The following RELN variants were observed in gnomAD, a reference collection of about 807,000 sequenced individuals.
RELN encodes reelin.
Under a neutral mutation model 427.6 loss-of-function variants are expected in RELN, and 108 were observed. That is an observed-to-expected ratio of 0.25 (90% confidence interval 0.22 to 0.30). The LOEUF is 0.30. Among genes scored for constraint, RELN ranks in the 10% least tolerant of loss-of-function variants. The pLI, the probability that RELN is intolerant of heterozygous loss-of-function variation, is 1.00. For synonymous variants in RELN, 1,524 were observed against 1,513.4 expected (o/e 1.01, Z -0.16); for missense variants, 3,715 against 4,302.8 (o/e 0.86, Z 3.82).
chr7:103,871,064 T>C (rs1441403346), intron 2 of RELN, among the ~76,000 whole-genome samples: 5 of 152,090 alleles, frequency 3.3e-5, no homozygotes, highest in Non-Finnish European at 7.4e-5. Flanking sequence ...CTGCCTGTTG[T>C]CCAGTAAGTA....
At chr7:103,641,668 TAAAG>T (rs1234577572) in intron 16 of RELN, among the ~76,000 whole-genome samples, 1 of 152,156 alleles carries the variant, frequency 6.6e-6, no homozygotes, top group African/African-American at 2.4e-5. Context: ...AGGAAATAAT[TAAAG>T]AAACATATTA....
intron 2 of RELN, among the ~76,000 whole-genome samples, chr7:103,884,774 C>T (rs1794685725): frequency 6.6e-6 from 1 of 152,148 alleles, no homozygotes; most frequent in African/African-American, 2.4e-5. Flanking sequence ...ATTAAAAAGT[C>T]AGGAAACAAC....
intron 46 of RELN, among the ~76,000 whole-genome samples, chr7:103,530,914 A>G (rs1388830469): frequency 1.3e-5 from 2 of 152,144 alleles, no homozygotes; most frequent in African/African-American, 2.4e-5. Flanking sequence ...TCTTGGGTAT[A>G]TGTCTAATTT....
intron 6 of RELN, among the ~76,000 whole-genome samples, chr7:103,732,281 C>T (rs747439132): frequency 7.2e-5 from 11 of 152,030 alleles, no homozygotes; most frequent in Non-Finnish European, 1.5e-4. Context: ...ATCAGATTGC[C>T]CATGGGCTAG....
intron 47 of RELN, among the ~76,000 whole-genome samples, chr7:103,522,853 C>CACACACACACACA (rs1189048440): frequency 9.0e-5 from 2 of 22,144 alleles, no homozygotes; most frequent in South Asian, 1.0e-3. Flanking sequence ...ACACACACAC[C>CACACACACACACA]CCCACACCTT....
At chr7:103,843,658 C>A (rs1584289270) in intron 2 of RELN, among the ~76,000 whole-genome samples, 2 of 152,052 alleles carry the variant, frequency 1.3e-5, no homozygotes, top group African/African-American at 4.8e-5. Context: ...TATTATATAC[C>A]CTTTGTCCTC....
At chr7:103,949,668 G>A (rs937993163) in intron 1 of RELN, among the ~76,000 whole-genome samples, 1 of 152,036 alleles carries the variant, frequency 6.6e-6, no homozygotes, top group Admixed American at 6.6e-5. Context: ...ACAGCAGCAG[G>A]AACTAAGACG....
intron 4 of RELN, among the ~76,000 whole-genome samples, chr7:103,754,754 C>G (rs936352541): frequency 1.3e-5 from 2 of 152,026 alleles, no homozygotes; most frequent in Non-Finnish European, 1.5e-5. Context: ...CCAGCCTGAG[C>G]AAGAGAGTCA....
intron 1 of RELN, among the ~76,000 whole-genome samples, chr7:103,927,721 A>G (rs11765701): frequency 0.24 from 36,502 of 152,122 alleles, 5,638 homozygotes; most frequent in Non-Finnish European, 0.34. Context: ...AAATAACAGA[A>G]TATCTTTGTG....
chr7:103,893,153 C>T (rs966301526), intron 2 of RELN, among the ~76,000 whole-genome samples: 1 of 152,112 alleles, frequency 6.6e-6, no homozygotes, highest in Non-Finnish European at 1.5e-5. Flanking sequence ...CAGGTGACTC[C>T]ACATGAAGAT....
Position 103,876,973 on chromosome 7 carries a change from A to G in RELN, c.337+40102T>C, listed in dbSNP as rs184568617. Among the ~76,000 whole-genome samples the G allele has an allele frequency of 6.2e-4, 95 of 152,100 alleles. 2 individuals carry two copies. The highest frequency in any genetic ancestry group is 5.2e-3 in the Admixed American group (79 of 15,264). On this transcript the variant is annotated intron_variant, in intron 2 of 64. Coordinates refer to ENST00000428762, the MANE Select transcript of RELN (RefSeq NM_005045.4). ...AGGCTTTACTTCACTTGATTTCTCC[A>G]TAGCTTTGACCTCCTCACTCCCTCA...
Position 103,596,629 on chromosome 7 carries a change from C to T in RELN, c.3366G>A (p.Leu1122=). 6.2e-7 allele frequency: 1 copy of T among 1,614,022 alleles called. No homozygotes were observed. Among genetic ancestry groups the T allele is most frequent in the Non-Finnish European group, 8.5e-7 (1 of 1,179,930 alleles). Residue 1122 remains leucine, a synonymous_variant, in exon 25 of 65, where the codon CTG becomes CTA. Coordinates refer to ENST00000428762, the MANE Select transcript of RELN (RefSeq NM_005045.4). The part of the protein sequence containing the change: ...AGKRQLVSWD[L]DTSWVDFVQF... ...GGACAAAGTCCACCCAAGAAGTATC[C>T]AGGTCCCAACTCACCAGCTGTCTTT...
chr7:103,781,898 T>C (rs1472881730), intron 3 of RELN, among the ~76,000 whole-genome samples: 1 of 152,166 alleles, frequency 6.6e-6, no homozygotes. Flanking sequence ...TTATTAACTA[T>C]GCTGGTACTA....
chr7:103,889,810 C>T (rs1275519168), intron 2 of RELN, among the ~76,000 whole-genome samples: 2 of 152,114 alleles, frequency 1.3e-5, no homozygotes, highest in African/African-American at 4.8e-5. Context: ...ATAAAAAGCA[C>T]CAACCCTAAA....
chr7:103,654,696 A>C (rs1832990074), intron 12 of RELN, among the ~76,000 whole-genome samples: 1 of 152,050 alleles, frequency 6.6e-6, no homozygotes, highest in Non-Finnish European at 1.5e-5. Context: ...TTGTACTTTA[A>C]ATGCAATTTG....
chr7:103,743,482 C>G (rs376536403), intron 6 of RELN, among the ~76,000 whole-genome samples: 8 of 152,156 alleles, frequency 5.3e-5, no homozygotes, highest in South Asian at 4.2e-4. Flanking sequence ...TGGATAAAGA[C>G]TCAAGACCCA....
At chr7:103,679,172 C>G (rs906744772) in intron 11 of RELN, among the ~76,000 whole-genome samples, 1 of 152,176 alleles carries the variant, frequency 6.6e-6, no homozygotes, top group Non-Finnish European at 1.5e-5. Flanking sequence ...CCAACACATA[C>G]AAGCACACAA....
intron 11 of RELN, among the ~76,000 whole-genome samples, chr7:103,678,352 A>G (rs1275931245): frequency 5.9e-5 from 9 of 152,134 alleles, no homozygotes; most frequent in Admixed American, 1.3e-4. Flanking sequence ...GTTCAGAAAG[A>G]CTCACATAAA....
chr7:103,785,686 T>C (rs1403210816), intron 3 of RELN, among the ~76,000 whole-genome samples: 1 of 152,110 alleles, frequency 6.6e-6, no homozygotes, highest in African/African-American at 2.4e-5. Flanking sequence ...ATGTTGATCT[T>C]ATATGAGTGT....
Sources: allele counts gnomAD v4.1 joint callset (sites outside exome capture counted in the v4.1 genomes callset), GRCh38; gene constraint gnomAD v4.1.1; transcripts MANE v1.5; gene names NCBI Gene and HGNC (gene_info 2026-07-23, HGNC 2026-07-21).